ADGRV1: variants seen among roughly 807,000 people sequenced by gnomAD.
The protein encoded by ADGRV1 is G-protein coupled receptor 98.
A neutral mutation model predicts 596.2 loss-of-function variants in ADGRV1; 359 were observed. The ratio of observed to expected loss-of-function variants is 0.60; its 90% CI spans 0.55 to 0.66. The LOEUF is 0.66. Ranked by LOEUF, ADGRV1 falls within the 30% of genes least tolerant of loss-of-function variation. ADGRV1 has a pLI of 0.00. For missense variants in ADGRV1, 7,274 were observed against 7,575.6 expected, an observed-to-expected ratio of 0.96 and a Z score of 1.48; for synonymous variants, 2,681 against 2,679.2, an observed-to-expected ratio of 1.00 and a Z score of -0.02.
chr5:91,092,965 C>A (rs1314306203), intron 86 of ADGRV1, among the ~76,000 whole-genome samples: 1 of 152,106 alleles, frequency 6.6e-6, no homozygotes, highest in Non-Finnish European at 1.5e-5. Flanking sequence ...GTTTCCCTCT[C>A]TGGAGTGCAG....
At chr5:91,005,191 G>T (rs1782168460) in intron 85 of ADGRV1, among the ~76,000 whole-genome samples, 1 of 151,964 alleles carries the variant, frequency 6.6e-6, no homozygotes, top group Non-Finnish European at 1.5e-5. Context: ...TAAGTTTCTT[G>T]TTGCTAAAAT....
At chr5:90,805,579 C>A in intron 72 of ADGRV1, 121 bp downstream of exon 72, 1 of 809,522 alleles carries the variant, frequency 1.2e-6, no homozygotes, top group Non-Finnish European at 1.8e-6. Context: ...ACAATGCTCC[C>A]ATATTTAAGT....
intron 61 of ADGRV1, 115 bp from the exon 62 acceptor site, chr5:90,777,790 A>G: frequency 1.0e-6 from 1 of 997,828 alleles, no homozygotes; most frequent in Admixed American, 3.1e-5. Context: ...GTTATTTAAA[A>G]GAAAACTGTT....
At chr5:90,563,391 A>G (rs1382637200) in intron 1 of ADGRV1, among the ~76,000 whole-genome samples, 1 of 152,256 alleles carries the variant, frequency 6.6e-6, no homozygotes, top group Non-Finnish European at 1.5e-5. Context: ...CTGGTCTTAA[A>G]TAACTAATCA....
intron 83 of ADGRV1, among the ~76,000 whole-genome samples, chr5:90,946,045 C>T (rs1317087022): frequency 1.3e-5 from 2 of 151,952 alleles, no homozygotes; most frequent in African/African-American, 4.8e-5. Flanking sequence ...AGAAGTAATA[C>T]AAGGAATATG....
intron 87 of ADGRV1, among the ~76,000 whole-genome samples, chr5:91,145,021 T>C (rs1795412134): frequency 6.6e-6 from 1 of 152,234 alleles, no homozygotes. Context: ...CCTCCACAGC[T>C]GAGTACTTTG....
intron 1 of ADGRV1, among the ~76,000 whole-genome samples, chr5:90,604,684 A>G (rs897000690): frequency 6.6e-6 from 1 of 152,114 alleles, no homozygotes; most frequent in Non-Finnish European, 1.5e-5. Context: ...GACGGGTGCC[A>G]TCTAATGGTG....
intron 83 of ADGRV1, among the ~76,000 whole-genome samples, chr5:90,871,081 T>C (rs982255129): frequency 4.6e-5 from 7 of 152,294 alleles, no homozygotes; most frequent in African/African-American, 1.4e-4. Flanking sequence ...ACTATTGAAC[T>C]TTATGTAAAC....
chr5:90,928,445 T>A (rs1422946431), intron 83 of ADGRV1, among the ~76,000 whole-genome samples: 1 of 150,966 alleles, frequency 6.6e-6, no homozygotes, highest in Non-Finnish European at 1.5e-5. Flanking sequence ...GCTTCTGCAT[T>A]CTTCACGTAG....
At chr5:91,101,242 G>T (rs977748597) in intron 86 of ADGRV1, among the ~76,000 whole-genome samples, 1 of 152,160 alleles carries the variant, frequency 6.6e-6, no homozygotes, top group Non-Finnish European at 1.5e-5. Flanking sequence ...CTACTTGCAC[G>T]TCTTCTGTAT....
chr5:90,800,809 A>G (rs529977846), intron 70 of ADGRV1, among the ~76,000 whole-genome samples: 1 of 152,318 alleles, frequency 6.6e-6, no homozygotes, highest in South Asian at 2.1e-4. Context: ...ATTCTCAGCA[A>G]ACTAACACAA....
rs774467824 is a variant in ADGRV1 at position 90,756,980 on chromosome 5, G to T, written c.11759G>T (p.Gly3920Val). The change falls in exon 57 of 90, where the codon GGC (glycine) becomes GTC (valine). Residue 3920 changes from glycine to valine, a missense_variant and splice_region_variant. By Grantham distance (109) the Gly-to-Val change is moderately radical. This residue lies in a region of ADGRV1 where 3,643 missense variants were observed against 3,809.2 expected (regional missense o/e 0.96). Transcript: ENST00000405460. The part of the protein sequence containing the change: ...RGIFMFHVTR[G>V]AGEVITAYEV... The stretch of plus-strand genomic sequence containing the variant: ...TTCAATTATATTCTTTACTTAAAGG[G>T]CGCTGGGGAAGTTATTACTGCCTAT... 6.3e-7 allele frequency: 1 copy of T among 1,594,380 alleles called. No individual in the cohort carries two copies. The highest frequency in any genetic ancestry group is 1.1e-5 in the South Asian group (1 of 87,818).
At chr5:90,565,581 A>G (rs1338274916) in intron 1 of ADGRV1, among the ~76,000 whole-genome samples, 1 of 152,248 alleles carries the variant, frequency 6.6e-6, no homozygotes, top group Non-Finnish European at 1.5e-5. Flanking sequence ...TTATGCATTT[A>G]TAAATAGATG....
chr5:90,806,403 C>T (rs1761906213), intron 72 of ADGRV1, among the ~76,000 whole-genome samples: 1 of 152,146 alleles, frequency 6.6e-6, no homozygotes. Context: ...TCTTGTTTTC[C>T]TTTTGGCATG....
At chr5:90,707,406 G>C (rs1235723272) in intron 38 of ADGRV1, among the ~76,000 whole-genome samples, 1 of 152,072 alleles carries the variant, frequency 6.6e-6, no homozygotes, top group East Asian at 1.9e-4. Context: ...TGTATTTTGG[G>C]AGTTCTATTT....
intron 87 of ADGRV1, among the ~76,000 whole-genome samples, chr5:91,122,311 T>C (rs1793389061): frequency 6.6e-6 from 1 of 152,228 alleles, no homozygotes; most frequent in Admixed American, 6.5e-5. Context: ...GCTGTGGAAA[T>C]ATAATTCTTT....
chr5:90,934,063 C>A (rs954801200), intron 83 of ADGRV1, among the ~76,000 whole-genome samples: 1 of 152,172 alleles, frequency 6.6e-6, no homozygotes, highest in Non-Finnish European at 1.5e-5. Flanking sequence ...TTCTTACTGA[C>A]CTCAGATCCC....
intron 50 of ADGRV1, among the ~76,000 whole-genome samples, chr5:90,744,210 G>A (rs931597550): frequency 3.3e-5 from 5 of 151,660 alleles, no homozygotes; most frequent in Non-Finnish European, 7.4e-5. Context: ...TCGAACCCCT[G>A]GGCTCAAGCA....
intron 43 of ADGRV1, among the ~76,000 whole-genome samples, chr5:90,718,729 T>C (rs900664474): frequency 2.0e-5 from 3 of 151,980 alleles, no homozygotes; most frequent in Admixed American, 6.5e-5. Context: ...TGAAATATTT[T>C]ATTAATTTTC....
Sources: allele counts gnomAD v4.1 joint callset (sites outside exome capture counted in the v4.1 genomes callset), GRCh38; gene constraint gnomAD v4.1.1; regional missense constraint gnomAD v4.1.1; transcripts MANE v1.5; gene names NCBI Gene and HGNC (gene_info 2026-07-23, HGNC 2026-07-21).